The following MTA3 variants were observed in gnomAD, a reference collection of about 807,000 sequenced individuals.
The protein encoded by MTA3 is metastasis associated 1 family member 3.
MTA3 carries 34 observed loss-of-function variants against 83.5 expected under a neutral mutation model. The ratio of observed to expected loss-of-function variants is 0.41; its 90% CI spans 0.31 to 0.54. The LOEUF is 0.54. Among genes scored for constraint, MTA3 ranks in the 20% least tolerant of loss-of-function variants. The pLI, the probability that MTA3 is intolerant of heterozygous loss-of-function variation, is 0.33. For synonymous variants in MTA3, 303 were observed against 252.7 expected (o/e 1.20, Z -1.89); for missense variants, 761 against 726.4 (o/e 1.05, Z -0.55).
intron 6 of MTA3, among the ~76,000 whole-genome samples, chr2:42,648,620 A>G (rs1688429673): frequency 1.3e-5 from 2 of 152,310 alleles, no homozygotes; most frequent in African/African-American, 4.8e-5. Flanking sequence ...ATCACCTAAC[A>G]AACTCTAGAG....
chr2:42,707,830 G>GTT (rs1451487667), intron 12 of MTA3, 73 bp from the exon 13 acceptor site: 19 of 1,370,798 alleles, frequency 1.4e-5, no homozygotes, highest in Non-Finnish European at 1.9e-5. Flanking sequence ...TTTTTAAAAT[G>GTT]TTTGATTATT....
At chr2:42,626,367 G>T (rs533662233) in intron 4 of MTA3, among the ~76,000 whole-genome samples, 1 of 151,280 alleles carries the variant, frequency 6.6e-6, no homozygotes, top group Non-Finnish European at 1.5e-5. Flanking sequence ...GTGTAATCTC[G>T]GCTCACTGCA....
chr2:42,747,536 C>T (rs944610311), intron 16 of MTA3, among the ~76,000 whole-genome samples: 3 of 151,858 alleles, frequency 2.0e-5, no homozygotes, highest in African/African-American at 4.8e-5. Flanking sequence ...AGGAGAGAGA[C>T]TCTGTTTTCT....
chr2:42,746,940 A>G (rs1422170837), intron 16 of MTA3, among the ~76,000 whole-genome samples: 1 of 152,064 alleles, frequency 6.6e-6, no homozygotes, highest in East Asian at 1.9e-4. Flanking sequence ...CAAAAAGGGT[A>G]TGATCTAATA....
chr2:42,599,615 A>C (rs1335612471), intron 3 of MTA3, among the ~76,000 whole-genome samples: 1 of 152,042 alleles, frequency 6.6e-6, no homozygotes, highest in Non-Finnish European at 1.5e-5. Flanking sequence ...GAGTAGTGGT[A>C]ATTCATGTGG....
intron 4 of MTA3, among the ~76,000 whole-genome samples, chr2:42,637,305 A>ATG (rs1305061683): frequency 6.6e-6 from 1 of 152,210 alleles, no homozygotes; most frequent in Admixed American, 6.5e-5. Context: ...GATACACTTC[A>ATG]TATCATGCTT....
intron 9 of MTA3, among the ~76,000 whole-genome samples, chr2:42,683,248 T>A (rs1692086849): frequency 6.6e-6 from 1 of 152,246 alleles, no homozygotes; most frequent in Non-Finnish European, 1.5e-5. Flanking sequence ...GACTAGTTGC[T>A]CTGCTTTAAG....
chr2:42,664,452 C>A (rs1055697945), intron 8 of MTA3, among the ~76,000 whole-genome samples: 1 of 147,792 alleles, frequency 6.8e-6, no homozygotes, highest in African/African-American at 2.5e-5. Flanking sequence ...CTACTACCCC[C>A]TCACCCCGCT....
intron 2 of MTA3, among the ~76,000 whole-genome samples, chr2:42,543,837 A>T (rs1054395174): frequency 2.9e-4 from 44 of 151,306 alleles, no homozygotes; most frequent in African/African-American, 7.3e-4. Flanking sequence ...TACATTAAAA[A>T]ATATATATAT....
At chr2:42,544,701 A>C (rs1301458450) in intron 2 of MTA3, among the ~76,000 whole-genome samples, 1 of 151,956 alleles carries the variant, frequency 6.6e-6, no homozygotes. Flanking sequence ...TTTAAAAAAA[A>C]CAGTGATATT....
chr2:42,743,077 C>A (rs1160609759), intron 16 of MTA3, among the ~76,000 whole-genome samples: 2 of 152,154 alleles, frequency 1.3e-5, no homozygotes, highest in African/African-American at 2.4e-5. Flanking sequence ...GATAGAACAT[C>A]CTGACCTTGA....
chr2:42,522,130 T>G (rs964177213), intron 2 of MTA3, among the ~76,000 whole-genome samples: 2 of 152,150 alleles, frequency 1.3e-5, no homozygotes, highest in African/African-American at 4.8e-5. Context: ...TCCTAACCTT[T>G]CCAGTTGTGT....
intron 2 of MTA3, among the ~76,000 whole-genome samples, chr2:42,573,976 G>A (rs992069875): frequency 1.2e-4 from 18 of 151,454 alleles, no homozygotes; most frequent in Admixed American, 7.2e-4. Context: ...CTGCCACTAC[G>A]CCTGGCTATT....
chr2:42,604,164 C>A (rs928840787), intron 3 of MTA3, among the ~76,000 whole-genome samples: 1 of 151,832 alleles, frequency 6.6e-6, no homozygotes, highest in Non-Finnish European at 1.5e-5. Flanking sequence ...GCCTGAGTCT[C>A]CAGAGTAGCT....
chr2:42,588,332 C>T (rs1255400183), intron 3 of MTA3, among the ~76,000 whole-genome samples: 2 of 152,174 alleles, frequency 1.3e-5, no homozygotes, highest in African/African-American at 4.8e-5. Flanking sequence ...TGAGCTCCTG[C>T]TGTGTACTGG....
chr2:42,732,003 C>T (rs1668262644), intron 16 of MTA3, among the ~76,000 whole-genome samples: 1 of 152,216 alleles, frequency 6.6e-6, no homozygotes, highest in African/African-American at 2.4e-5. Flanking sequence ...AAATGATCTC[C>T]TTTGACTCCG....
chr2:42,615,496 C>T (rs1684753448), intron 4 of MTA3, among the ~76,000 whole-genome samples: 1 of 151,660 alleles, frequency 6.6e-6, no homozygotes, highest in Non-Finnish European at 1.5e-5. Flanking sequence ...GCTGGGACTA[C>T]AGGCATGCGC....
intron 2 of MTA3, among the ~76,000 whole-genome samples, chr2:42,510,266 C>T (rs550635546): frequency 9.5e-4 from 138 of 145,964 alleles, no homozygotes; most frequent in Admixed American, 3.8e-3. Flanking sequence ...GCGGAGGTTG[C>T]AGTGAGCTGA....
chr2:42,518,781 C>T (rs975897160), intron 2 of MTA3, among the ~76,000 whole-genome samples: 15 of 151,948 alleles, frequency 9.9e-5, no homozygotes, highest in Non-Finnish European at 1.5e-4. Flanking sequence ...ACCTGGGCAA[C>T]ATAGGGAGAC....
Sources: gnomAD v4.1 joint callset for allele counts (sites outside exome capture counted in the v4.1 genomes callset) on GRCh38, gnomAD v4.1.1 for gene constraint, MANE v1.5 for transcripts, NCBI Gene and HGNC (gene_info 2026-07-23, HGNC 2026-07-21) for gene names.